Variants in TNRC6A observed in about 807,000 individuals in gnomAD.
TNRC6A encodes trinucleotide repeat containing adaptor 6A, also known as trinucleotide repeat-containing gene 6A protein.
In TNRC6A, 44 loss-of-function variants were observed where a neutral mutation model predicts 221.2. The ratio of observed to expected loss-of-function variants is 0.20; its 90% CI spans 0.16 to 0.26. The LOEUF (loss-of-function observed/expected upper bound fraction) is 0.26. Among genes scored for constraint, TNRC6A ranks in the 10% least tolerant of loss-of-function variants. The pLI is 1.00. For missense variants in TNRC6A, 2,199 were observed against 2,404.4 expected (o/e 0.91, Z 1.79); for synonymous variants, 847 against 838.5 (o/e 1.01, Z -0.18).
At chr16:24,729,116 G>A (rs187145557), upstream of TNRC6A, among the ~76,000 whole-genome samples, 10 of 151,886 alleles carry the variant, frequency 6.6e-5, 1 homozygote, top group East Asian at 1.9e-3. Flanking sequence ...GTCAAAGGTC[G>A]GTGGATAAAA....
chr16:24,686,739 C>A (rs1004751403), intron 2 of TNRC6A, among the ~76,000 whole-genome samples: 1 of 152,068 alleles, frequency 6.6e-6, no homozygotes, highest in African/African-American at 2.4e-5. Context: ...GGATCGGTGC[C>A]GCGACAGAGG....
chr16:24,823,823 C>T lies in TNRC6A; in HGVS notation c.*16C>T. The T allele has an allele frequency of 7.2e-7, 1 of 1,383,164 alleles. No homozygotes were observed. 85.7% of individuals were successfully genotyped at this position (1,383,164 alleles called of 1,614,324 possible). The stretch of plus-strand genomic sequence containing the variant: ...GTCCATGTAACAGTGTAGATGCAGA[C>T]TCACCGACCGGGACCTCAGACGCGA... On this transcript the variant is annotated 3_prime_UTR_variant, in exon 25 of 25. Transcript: ENST00000395799. The surrounding 1 kb of genome is among the most constrained non-coding windows in gnomAD (Gnocchi z 4.3).
intron 2 of TNRC6A, among the ~76,000 whole-genome samples, chr16:24,654,321 A>G (rs1214738752): frequency 1.3e-5 from 2 of 152,206 alleles, no homozygotes; most frequent in African/African-American, 2.4e-5. Flanking sequence ...GACAGGCTCA[A>G]TGAATGATTA....
chr16:24,661,971 G>A (rs1223980636), intron 2 of TNRC6A: 2 of 152,076 alleles, frequency 1.3e-5, no homozygotes, highest in Non-Finnish European at 2.9e-5. Flanking sequence ...TGAGGAAGGA[G>A]GACTCCTAGA....
chr16:24,733,234 A>G (rs1192021788), intron 2 of TNRC6A, among the ~76,000 whole-genome samples: 1 of 152,172 alleles, frequency 6.6e-6, no homozygotes, highest in Non-Finnish European at 1.5e-5. Flanking sequence ...TCTTTTAATA[A>G]CATGGAAGCC....
upstream of TNRC6A, among the ~76,000 whole-genome samples, chr16:24,727,045 CT>C (rs1365984155): frequency 7.7e-5 from 11 of 143,550 alleles, no homozygotes; most frequent in Admixed American, 1.4e-4. Flanking sequence ...TTTTTTTTCC[CT>C]AAGGTGGAGT....
At chr16:24,810,639 G>A (rs1394719876) in intron 18 of TNRC6A, among the ~76,000 whole-genome samples, 1 of 152,114 alleles carries the variant, frequency 6.6e-6, no homozygotes, top group African/African-American at 2.4e-5. Context: ...GGTTCAAAGA[G>A]GACTGCCTGG....
At chr16:24,753,798 A>G (rs535432968) in intron 3 of TNRC6A, among the ~76,000 whole-genome samples, 8 of 152,294 alleles carry the variant, frequency 5.3e-5, no homozygotes, top group African/African-American at 1.7e-4. Flanking sequence ...ATATTTTCTT[A>G]TTTTTGAAAA....
chr16:24,700,253 T>G (rs80279849), intron 2 of TNRC6A, among the ~76,000 whole-genome samples: 68,596 of 151,200 alleles, frequency 0.45, 16,529 homozygotes, highest in African/African-American at 0.63. Flanking sequence ...TTTTTTTTTT[T>G]GAGACAGAGT....
chr16:24,824,901 G>A lies in TNRC6A; in HGVS notation c.*1094G>A, dbSNP rs949873439. 7.2e-5 allele frequency: 11 copies of A among 152,402 alleles called. No homozygotes were observed. In the East Asian group the frequency reaches 1.3e-3, roughly 19 times the overall value. 9.4% of individuals were successfully genotyped at this position (152,402 alleles called of 1,614,324 possible). A position where few individuals can be genotyped will look rare whatever the true frequency, so the allele number is the denominator to read the frequency against. ...AAAAAAAAAGAAAAAACAAAAAAAC[G>A]CTTAAAGCTGGAGTTTGACATTCTG... On this transcript the variant is annotated 3_prime_UTR_variant, in exon 25 of 25. Coordinates refer to ENST00000395799, the MANE Select transcript of TNRC6A (RefSeq NM_014494.4).
upstream of TNRC6A, among the ~76,000 whole-genome samples, chr16:24,724,983 A>G (rs1385227414): frequency 6.6e-6 from 1 of 152,104 alleles, no homozygotes; most frequent in Non-Finnish European, 1.5e-5. Flanking sequence ...TCAGTAAGAG[A>G]AGGAGGAGAA....
At chr16:24,712,183 T>C (rs1291322968) in intron 2 of TNRC6A, among the ~76,000 whole-genome samples, 2 of 151,870 alleles carry the variant, frequency 1.3e-5, no homozygotes, top group Admixed American at 6.6e-5. Flanking sequence ...AGACTCGGTG[T>C]TCCTGTGTCT....
chr16:24,708,068 A>AACAAAAAACAAAAAAAC (rs1567375470), intron 2 of TNRC6A, among the ~76,000 whole-genome samples: 5 of 150,540 alleles, frequency 3.3e-5, no homozygotes, highest in African/African-American at 9.7e-5. Flanking sequence ...AAAAAAAAAA[A>AACAAAAAACAAAAAAAC]ACACACACAC....
chr16:24,736,236 T>G (rs2056764166), intron 2 of TNRC6A, among the ~76,000 whole-genome samples: 1 of 152,216 alleles, frequency 6.6e-6, no homozygotes, highest in Non-Finnish European at 1.5e-5. Flanking sequence ...TACCTGTATC[T>G]CTTTACCTAG....
intron 2 of TNRC6A, among the ~76,000 whole-genome samples, chr16:24,738,608 C>T (rs1010855402): frequency 2.6e-5 from 4 of 152,178 alleles, no homozygotes; most frequent in Non-Finnish European, 4.4e-5. Flanking sequence ...TCCATCATGT[C>T]GCATATATCC....
intron 1 of TNRC6A, among the ~76,000 whole-genome samples, 157 bp downstream of exon 1, chr16:24,730,003 G>T (rs1413218901): frequency 6.8e-6 from 1 of 147,926 alleles, no homozygotes; most frequent in Non-Finnish European, 1.5e-5. Context: ...TGCGGAGGCC[G>T]AGCGGGCGGC....
Position 24,729,776 on chromosome 16 carries a change from C to G in TNRC6A, c.-66C>G. 7.2e-7 allele frequency: 1 copy of G among 1,385,854 alleles called. No individual in the cohort carries two copies. Among genetic ancestry groups the G allele is most frequent in the East Asian group, 3.1e-5 (1 of 32,044 alleles). The allele number at this position is 1,385,854 out of a possible 1,614,324, so 85.8% of individuals were successfully genotyped here. On this transcript the variant is annotated 5_prime_UTR_variant, in exon 1 of 25. Transcript: ENST00000395799. ...GCGGCTCGGGCCTCTCCCCGCGGCG[C>G]TGCGGAGGGCTTGAGGCTCGCGAGC...
At chr16:24,812,047 TTTTTTTTTTTTTTTTTTTTG>T (rs1369426496) in intron 18 of TNRC6A, among the ~76,000 whole-genome samples, 46 of 57,122 alleles carry the variant, frequency 8.1e-4, no homozygotes, top group Non-Finnish European at 1.0e-3. Context: ...TTTTTTTTTT[TTTTTTTTTTTTTTTTTTTTG>T]AGACAGAGTC....
Position 24,649,816 on chromosome 16 carries a change from C to CTT in TNRC6A, n.402+8833_402+8834dup, listed in dbSNP as rs35308503. Among the ~76,000 whole-genome samples the CTT allele has an allele frequency of 6.5e-3, 517 of 78,932 alleles. 24 individuals are homozygous for CTT. Among genetic ancestry groups the CTT allele is most frequent in the African/African-American group, 8.3e-3 (142 of 17,144 alleles). The allele number at this position is 78,932 out of a possible 152,430, so 51.8% of individuals were successfully genotyped here. On this transcript the variant is annotated intron_variant and non_coding_transcript_variant, in intron 2 of 2. Coordinates refer to the TNRC6A transcript ENST00000566108. ...CCCCCAGCTTCCAGTCTCTCTCTCT[C>CTT]TTTTTTTTTTTTTTTTTTTTTTTTT...
Sources: allele counts gnomAD v4.1 joint callset (sites outside exome capture counted in the v4.1 genomes callset), GRCh38; gene constraint gnomAD v4.1.1; non-coding constraint Gnocchi (gnomAD v3.1); transcripts MANE v1.5; gene names NCBI Gene and HGNC (gene_info 2026-07-23, HGNC 2026-07-21).